The following DMXL1 variants were observed in gnomAD, a reference collection of about 807,000 sequenced individuals.
DMXL1 encodes Dmx like 1.
DMXL1 carries 99 observed loss-of-function variants against 319.2 expected under a neutral mutation model. The ratio of observed to expected loss-of-function variants is 0.31; its 90% confidence interval spans 0.26 to 0.37. The LOEUF (loss-of-function observed/expected upper bound fraction) is 0.37, where lower values mean the gene tolerates loss of function less well. Among genes scored for constraint, DMXL1 ranks in the 10% least tolerant of loss-of-function variants. DMXL1 has a pLI of 1.00. For synonymous variants in DMXL1, 1,385 were observed against 1,235.2 expected (o/e 1.12, Z -2.54); for missense variants, 3,745 against 3,595.6 (o/e 1.04, Z -1.06).
Position 119,103,115 on chromosome 5 carries a change from G to A in DMXL1, c.285+1109G>A, listed in dbSNP as rs192591265. Reference sequence around the variant, plus strand: ...TTTTTTTAAAAAAAAAGAAAGAGCAGTGTATTGGGAGTCATAGGACTGGTT... The same window carrying A: ...TTTTTTTAAAAAAAAAGAAAGAGCAATGTATTGGGAGTCATAGGACTGGTT... On this transcript the variant is annotated intron_variant, in intron 3 of 43. Transcript: ENST00000539542. 6.0e-5 allele frequency among the ~76,000 whole-genome samples: 9 copies of A among 151,242 alleles called. No homozygotes were observed. In the East Asian group the frequency reaches 1.8e-3, roughly 29 times the overall value.
intron 13 of DMXL1, among the ~76,000 whole-genome samples, chr5:119,136,763 G>T (rs1003997200): frequency 3.3e-5 from 5 of 152,262 alleles, no homozygotes; most frequent in Non-Finnish European, 1.5e-5. Flanking sequence ...TGGGCCTGTG[G>T]GTATGCAGAA....
Position 119,178,013 on chromosome 5 carries a change from C to A in DMXL1, c.6904C>A (p.Arg2302=). 1 of 1,605,550 alleles carries A rather than the reference C, an allele frequency of 6.2e-7. No homozygotes were observed. Among genetic ancestry groups the A allele is most frequent in the Non-Finnish European group, 8.5e-7 (1 of 1,175,320 alleles). Reference sequence around the variant, plus strand: ...CGTTCTAGGAATAACTTGTCTAATTCGACTTTTGAATTCTTCTGGCGAGGA... The same window carrying A: ...CGTTCTAGGAATAACTTGTCTAATTAGACTTTTGAATTCTTCTGGCGAGGA... ...AQWPGITCLI[R]LLNSSGEEAQ... Residue 2302 remains arginine (R), a synonymous_variant, in exon 28 of 44, where the codon CGA becomes AGA. Transcript: ENST00000539542.
In DMXL1 at chr5:119,244,252, T is replaced by C. The variant is rs1011926996; in HGVS notation, c.8705-107T>C. ...ATATTTCATTTGATTTTTTAATTGT[T>C]TCAGGCAGGATTGCAAATCTGGTCT... is the stretch of plus-strand genomic sequence containing the variant. On this transcript the variant is annotated intron_variant, in intron 42 of 43. Transcript: ENST00000539542. The C allele has an allele frequency of 6.4e-6, 5 of 784,974 alleles. No individual in the cohort carries two copies. In the Admixed American group the frequency reaches 1.1e-4, roughly 18 times the overall value. 48.6% of individuals were successfully genotyped at this position (784,974 alleles called of 1,614,324 possible). A position where few individuals can be genotyped will look rare whatever the true frequency, so the allele number is the denominator to read the frequency against.
chr5:119,166,776 A>C lies in DMXL1; in HGVS notation c.5131A>C (p.Ile1711Leu). The C allele has an allele frequency of 6.2e-7, 1 of 1,607,436 alleles. No individual in the cohort carries two copies. The change falls in exon 22 of 44, where the codon ATT becomes CTT. Residue 1711 changes from isoleucine to leucine, a missense_variant. By Grantham distance (5) the Ile-to-Leu change is conservative. This residue lies in a region of DMXL1 where 1,382 missense variants were observed against 1,269.5 expected (regional missense o/e 1.09). Coordinates refer to ENST00000539542, the MANE Select transcript of DMXL1 (RefSeq NM_001290321.3). ...FLLAGCLRDA[I>L]EVCLEKLNDI... ...TTTAGCTGGTTGCCTCAGAGATGCA[A>C]TTGAGGTAATGAGTGAAATTTAAAT...
chr5:119,203,794 T>C (rs1038010300), intron 33 of DMXL1, among the ~76,000 whole-genome samples: 1 of 152,140 alleles, frequency 6.6e-6, no homozygotes, highest in Non-Finnish European at 1.5e-5. Context: ...AGTTTAATTG[T>C]ATACTGAAAA....
At chr5:119,127,934 A>T in intron 9 of DMXL1, 1 of 376,118 alleles carries the variant, frequency 2.7e-6, no homozygotes, top group Non-Finnish European at 5.4e-6. Context: ...TAAACTTAGT[A>T]TCAAATGGTT....
chr5:119,244,373 G>T lies in DMXL1; in HGVS notation c.8719G>T (p.Asp2907Tyr). The T allele has an allele frequency of 1.3e-5, 21 of 1,612,680 alleles. No individual in the cohort carries two copies. Among genetic ancestry groups the T allele is most frequent in the Non-Finnish European group, 1.7e-5 (20 of 1,179,274 alleles). Residue 2907 changes from aspartate (D) to tyrosine (Y), a missense_variant, in exon 43 of 44, where the codon GAC becomes TAC. Around this residue, in one of 4 missense-constraint regions of DMXL1, gnomAD observed 262 missense variants for 320.5 expected, o/e 0.82. Coordinates refer to ENST00000539542, the MANE Select transcript of DMXL1 (RefSeq NM_001290321.3). ...TTTACTTTCAGCATTTACCTGCCAT[G>T]ACAGTGGAGCCACAGTTTTAGCATA... ...NSLVHAFTCH[D>Y]SGATVLAYAP...
intron 38 of DMXL1, among the ~76,000 whole-genome samples, chr5:119,225,658 A>G (rs766174399): frequency 1.3e-5 from 2 of 152,144 alleles, no homozygotes; most frequent in South Asian, 2.1e-4. Context: ...TAAATGCTCA[A>G]ATAATCTATT....
intron 39 of DMXL1, among the ~76,000 whole-genome samples, chr5:119,234,769 C>T (rs1044176274): frequency 7.2e-5 from 11 of 152,082 alleles, no homozygotes; most frequent in Admixed American, 7.2e-4. Context: ...CTCTCTAATG[C>T]ATCTTGCCAA....
chr5:119,132,943 A>G (rs1021701553), intron 10 of DMXL1, 189 bp from the exon 11 acceptor site: 2 of 624,582 alleles, frequency 3.2e-6, no homozygotes, highest in African/African-American at 1.8e-5. Flanking sequence ...TGGTTTACTT[A>G]AAGTATATTG....
intron 19 of DMXL1, among the ~76,000 whole-genome samples, chr5:119,157,710 T>C (rs934805320): frequency 6.6e-6 from 1 of 152,254 alleles, no homozygotes; most frequent in Non-Finnish European, 1.5e-5. Context: ...CATGCTATTT[T>C]GGTTACCCTA....
chr5:119,113,484 G>A (rs1182447523), intron 5 of DMXL1, among the ~76,000 whole-genome samples: 3 of 152,158 alleles, frequency 2.0e-5, no homozygotes, highest in African/African-American at 7.2e-5. Context: ...CTTGTGGTCT[G>A]CCCACTTCAG....
At chr5:119,082,345 C>T (rs934705010) in intron 1 of DMXL1, among the ~76,000 whole-genome samples, 2 of 151,908 alleles carry the variant, frequency 1.3e-5, no homozygotes, top group African/African-American at 4.8e-5. Flanking sequence ...GTGAACTCAG[C>T]TCACTGTAGC....
intron 30 of DMXL1, among the ~76,000 whole-genome samples, chr5:119,194,842 C>T (rs187687942): frequency 1.4e-3 from 217 of 151,942 alleles, no homozygotes; most frequent in African/African-American, 3.0e-3. Flanking sequence ...ATCACTTGAG[C>T]GCAGGAGTTC....
At chr5:119,073,950 CT>C (rs1561519106) in intron 1 of DMXL1, among the ~76,000 whole-genome samples, 3 of 151,246 alleles carry the variant, frequency 2.0e-5, no homozygotes, top group Non-Finnish European at 4.4e-5. Context: ...CGGAGTTTCG[CT>C]GTCGTTGCCC....
chr5:119,216,681 A>G (rs1277182543), intron 34 of DMXL1, among the ~76,000 whole-genome samples: 1 of 152,214 alleles, frequency 6.6e-6, no homozygotes, highest in Non-Finnish European at 1.5e-5. Context: ...ATGTTGTATC[A>G]GCTGTTTTTT....
intron 30 of DMXL1, 139 bp from the exon 31 acceptor site, chr5:119,196,232 A>G: frequency 1.5e-6 from 1 of 658,804 alleles, no homozygotes; most frequent in Non-Finnish European, 2.7e-6. Context: ...GACTACCTCT[A>G]TGCATATATT....
chr5:119,117,517 G>A (rs1211387613), intron 7 of DMXL1, among the ~76,000 whole-genome samples: 2 of 152,078 alleles, frequency 1.3e-5, no homozygotes, highest in Admixed American at 6.6e-5. Flanking sequence ...GGAGATGGGT[G>A]TGAGGATGGG....
intron 3 of DMXL1, among the ~76,000 whole-genome samples, chr5:119,103,815 A>G (rs1289281025): frequency 6.6e-6 from 1 of 152,194 alleles, no homozygotes; most frequent in Non-Finnish European, 1.5e-5. Flanking sequence ...TTTGAAAATC[A>G]GTATGTTATG....
Sources: gnomAD v4.1 joint callset for allele counts (sites outside exome capture counted in the v4.1 genomes callset) on GRCh38, gnomAD v4.1.1 for gene constraint, gnomAD v4.1.1 regional missense constraint, MANE v1.5 for transcripts, NCBI Gene and HGNC (gene_info 2026-07-23, HGNC 2026-07-21) for gene names.